DOCK7: variants seen among roughly 807,000 people sequenced by gnomAD.
The protein encoded by DOCK7 is dedicator of cytokinesis protein 7.
A neutral mutation model predicts 271.0 loss-of-function variants in DOCK7; 138 were observed. The ratio of observed to expected loss-of-function variants is 0.51; its 90% CI spans 0.44 to 0.59. The LOEUF is 0.59. Among genes scored for constraint, DOCK7 ranks in the 20% least tolerant of loss-of-function variants. DOCK7 has a pLI of 0.00. For synonymous variants in DOCK7, 823 were observed against 876.1 expected (o/e 0.94, Z 1.07); for missense variants, 2,066 against 2,592.4 (o/e 0.80, Z 4.41).
rs1050165824 is a variant in DOCK7, at chr1:62,455,133, A to C, written c.*281T>G. 1.3e-4 allele frequency: 68 copies of C among 535,638 alleles called. No homozygotes were observed. Among genetic ancestry groups the C allele is most frequent in the African/African-American group, 1.1e-3 (57 of 51,764 alleles). The allele number at this position is 535,638 out of a possible 1,614,324, so 33.2% of individuals were successfully genotyped here. A position where few individuals can be genotyped will look rare whatever the true frequency, so the allele number is the denominator to read the frequency against. On this transcript the variant is annotated 3_prime_UTR_variant, in exon 50 of 50. Coordinates refer to ENST00000635253, the MANE Select transcript of DOCK7 (RefSeq NM_001367561.1). ...AAAAAATACGAACTTAAAGTGAATA[A>C]ATTTTTAACCTTAGCTATGGTATAA...
chr1:62,600,490 A>G (rs924401439), intron 14 of DOCK7, among the ~76,000 whole-genome samples: 1 of 151,806 alleles, frequency 6.6e-6, no homozygotes, highest in African/African-American at 2.4e-5. Flanking sequence ...AATGAGAAAA[A>G]CTATCATTCA....
chr1:62,493,483 CTT>C (rs1646524436), intron 40 of DOCK7, among the ~76,000 whole-genome samples: 1 of 152,080 alleles, frequency 6.6e-6, no homozygotes, highest in South Asian at 2.1e-4. Flanking sequence ...AGGCAACACT[CTT>C]TTTAAAGATT....
At chr1:62,654,207 T>C (rs1657716180) in intron 2 of DOCK7, 48 bp from the exon 3 acceptor site, 4 of 1,503,738 alleles carry the variant, frequency 2.7e-6, no homozygotes, top group Non-Finnish European at 3.6e-6. Flanking sequence ...AAGAGGTGAA[T>C]GTAATAATTT....
chr1:62,546,804 C>G (rs1159933295), intron 22 of DOCK7, among the ~76,000 whole-genome samples: 2 of 151,904 alleles, frequency 1.3e-5, no homozygotes, highest in African/African-American at 4.8e-5. Context: ...TAAAAGCAAA[C>G]CAAAAGGCTT....
At chr1:62,649,076 ATAT>A (rs1236442558) in intron 4 of DOCK7, among the ~76,000 whole-genome samples, 1 of 152,122 alleles carries the variant, frequency 6.6e-6, no homozygotes, top group Non-Finnish European at 1.5e-5. Context: ...GTACATATAT[ATAT>A]TAACATTACA....
intron 14 of DOCK7, chr1:62,597,652 T>C (rs1255758366): frequency 6.2e-7 from 1 of 1,613,464 alleles, no homozygotes; most frequent in Non-Finnish European, 8.5e-7. Context: ...TTTGATTCTC[T>C]ATCTCCAGAG....
rs147163423 is a variant in DOCK7 at position 62,476,230 on chromosome 1, C to T, written c.5635-74G>A. The T allele has an allele frequency of 6.0e-4, 678 of 1,134,648 alleles. No individual in the cohort carries two copies. In the African/African-American group the frequency reaches 8.7e-3, roughly 15 times the overall value. The allele number at this position is 1,134,648 out of a possible 1,614,324, so 70.3% of individuals were successfully genotyped here. A position where few individuals can be genotyped will look rare whatever the true frequency, so the allele number is the denominator to read the frequency against. ...AAATAGAGAAGGCCTGAGGGTGACT[C>T]CTGAGCAAAATTAGGAGAATTAGTG... is the stretch of plus-strand genomic sequence containing the variant. On this transcript the variant is annotated intron_variant, in intron 44 of 49. Transcript: ENST00000635253.
intron 14 of DOCK7, chr1:62,598,203 T>C: frequency 1.1e-6 from 1 of 872,438 alleles, no homozygotes; most frequent in East Asian, 3.1e-5. Context: ...CTCCAGAAAA[T>C]AAAATTTCCT....
chr1:62,628,431 C>A (rs750850024), intron 11 of DOCK7: 7 of 152,130 alleles, frequency 4.6e-5, no homozygotes, highest in African/African-American at 1.7e-4. Context: ...AATAAGGGAT[C>A]TAAGAAAATT....
chr1:62,549,811 T>C (rs1645834712), intron 22 of DOCK7, among the ~76,000 whole-genome samples: 1 of 152,184 alleles, frequency 6.6e-6, no homozygotes, highest in Admixed American at 6.5e-5. Context: ...TCCATTTCCC[T>C]CCTAACACCC....
chr1:62,455,777 C>T (rs185707427), intron 49 of DOCK7, among the ~76,000 whole-genome samples: 7 of 152,228 alleles, frequency 4.6e-5, no homozygotes, highest in East Asian at 1.9e-4. Flanking sequence ...GTTTTTTACA[C>T]GGCAAAAGGC....
chr1:62,649,285 T>G (rs1557858131), intron 4 of DOCK7, among the ~76,000 whole-genome samples: 1 of 152,190 alleles, frequency 6.6e-6, no homozygotes, highest in East Asian at 1.9e-4. Flanking sequence ...CACAAGATGG[T>G]ATAGTTCTTG....
At chr1:62,509,541 T>C (rs148496784) in intron 34 of DOCK7, among the ~76,000 whole-genome samples, 11 of 152,176 alleles carry the variant, frequency 7.2e-5, no homozygotes, top group African/African-American at 2.6e-4. Flanking sequence ...GATAGTACAG[T>C]ACCTGGCTAC....
intron 27 of DOCK7, among the ~76,000 whole-genome samples, chr1:62,538,471 G>A (rs1323262255): frequency 3.3e-5 from 5 of 152,112 alleles, no homozygotes; most frequent in Non-Finnish European, 4.4e-5. Context: ...GCTACTTGAG[G>A]AGACATACTA....
At chr1:62,592,139 T>C (rs1648541015) in intron 14 of DOCK7, among the ~76,000 whole-genome samples, 1 of 152,202 alleles carries the variant, frequency 6.6e-6, no homozygotes, top group Non-Finnish European at 1.5e-5. Context: ...GAGTTCCGAA[T>C]CCAAATTCTT....
At chr1:62,596,523 TG>T (rs982821748) in intron 14 of DOCK7, among the ~76,000 whole-genome samples, 2 of 152,130 alleles carry the variant, frequency 1.3e-5, no homozygotes, top group African/African-American at 4.8e-5. Context: ...ATTAATTGGC[TG>T]GGCTCACGCT....
chr1:62,592,915 C>A (rs920505416), intron 14 of DOCK7, among the ~76,000 whole-genome samples: 4 of 152,118 alleles, frequency 2.6e-5, no homozygotes, highest in Admixed American at 2.6e-4. Context: ...TATATACATA[C>A]ATCACCACCA....
rs144157673 is a variant in DOCK7, at chr1:62,557,619, A to G, written c.2431+1370T>C. On this transcript the variant is annotated intron_variant, in intron 20 of 49. Coordinates refer to ENST00000635253, the MANE Select transcript of DOCK7 (RefSeq NM_001367561.1). ...AGTAGACATTTCTCAAGCATACTAG[A>G]TAAGAGAGAGAGGGACTCTGGAACC... Among the ~76,000 whole-genome samples the G allele has an allele frequency of 3.9e-3, 578 of 146,584 alleles. 8 individuals carry two copies. The highest frequency in any genetic ancestry group is 0.013 in the African/African-American group (521 of 39,404).
chr1:62,476,815 T>C (rs1468665110), intron 44 of DOCK7, among the ~76,000 whole-genome samples: 2 of 152,206 alleles, frequency 1.3e-5, no homozygotes, highest in Admixed American at 6.5e-5. Context: ...ATTTTTATAA[T>C]TGAGTAAGTC....
Sources: gnomAD v4.1 joint callset for allele counts (sites outside exome capture counted in the v4.1 genomes callset) on GRCh38, gnomAD v4.1.1 for gene constraint, MANE v1.5 for transcripts, NCBI Gene and HGNC (gene_info 2026-07-23, HGNC 2026-07-21) for gene names.